The following PRKG1 variants were observed in gnomAD, a reference collection of about 807,000 sequenced individuals.
The protein encoded by PRKG1 is cGMP-dependent protein kinase 1.
A neutral mutation model predicts 88.1 loss-of-function variants in PRKG1; 35 were observed. The ratio of observed to expected loss-of-function variants is 0.40; its 90% CI spans 0.30 to 0.53. The LOEUF (loss-of-function observed/expected upper bound fraction) is 0.53, where lower values mean the gene tolerates loss of function less well. Among genes scored for constraint, PRKG1 ranks in the 20% least tolerant of loss-of-function variants. The probability of loss-of-function intolerance (pLI) is 0.59; values close to 1 mark genes in which losing one functional copy is unlikely to be tolerated. For missense variants in PRKG1, 540 were observed against 839.8 expected (o/e 0.64, Z 4.41); for synonymous variants, 303 against 292.5 (o/e 1.04, Z -0.37).
chr10:51,208,893 T>C (rs976772727), intron 2 of PRKG1, among the ~76,000 whole-genome samples: 6 of 152,218 alleles, frequency 3.9e-5, no homozygotes, highest in African/African-American at 1.4e-4. Flanking sequence ...GTCTTCATTT[T>C]GACATTAAAT....
chr10:51,625,476 C>T (rs1470654862), intron 3 of PRKG1, among the ~76,000 whole-genome samples: 1 of 151,480 alleles, frequency 6.6e-6, no homozygotes, highest in African/African-American at 2.4e-5. Flanking sequence ...GATTCTGTCT[C>T]AATAAAAAAG....
At chr10:52,155,955 CTTTTTATTCCT>C (rs1442380700) in intron 8 of PRKG1, among the ~76,000 whole-genome samples, 1 of 151,898 alleles carries the variant, frequency 6.6e-6, no homozygotes, top group African/African-American at 2.4e-5. Context: ...TAATTCTTAG[CTTTTTATTCCT>C]TTGTGCATAT....
intron 9 of PRKG1, among the ~76,000 whole-genome samples, chr10:52,206,620 C>G (rs936757210): frequency 6.6e-6 from 1 of 152,080 alleles, no homozygotes; most frequent in Admixed American, 6.5e-5. Context: ...CAAACCCTGG[C>G]ATTTAATCGT....
intron 3 of PRKG1, among the ~76,000 whole-genome samples, chr10:51,749,812 A>G (rs1048235255): frequency 1.3e-5 from 2 of 152,176 alleles, no homozygotes; most frequent in Non-Finnish European, 2.9e-5. Context: ...CAGAGGACAG[A>G]TGCCAATCTC....
intron 9 of PRKG1, among the ~76,000 whole-genome samples, chr10:52,228,962 C>T (rs1250234304): frequency 1.3e-5 from 2 of 152,194 alleles, no homozygotes; most frequent in African/African-American, 2.4e-5. Flanking sequence ...ATTCCACTGA[C>T]ATAGCATATC....
At chr10:52,032,956 G>A (rs1328541593) in intron 5 of PRKG1, among the ~76,000 whole-genome samples, 1 of 152,158 alleles carries the variant, frequency 6.6e-6, no homozygotes, top group Non-Finnish European at 1.5e-5. Context: ...ATGGAAGGAA[G>A]TCTTTATCTA....
intron 5 of PRKG1, among the ~76,000 whole-genome samples, chr10:52,024,321 T>TGTG (rs61709879): frequency 1.1e-4 from 16 of 144,620 alleles, no homozygotes; most frequent in East Asian, 8.1e-4. Context: ...ATTTAACTTT[T>TGTG]TTTTTTATTC....
At chr10:51,637,268 AC>A (rs1839680119) in intron 3 of PRKG1, among the ~76,000 whole-genome samples, 2 of 152,172 alleles carry the variant, frequency 1.3e-5, no homozygotes, top group African/African-American at 4.8e-5. Context: ...CAAAAAAACA[AC>A]AGATTTTGGA....
chr10:51,202,642 A>G (rs1837942274), intron 2 of PRKG1, among the ~76,000 whole-genome samples: 1 of 151,654 alleles, frequency 6.6e-6, no homozygotes, highest in Non-Finnish European at 1.5e-5. Context: ...GAGTTAAAAG[A>G]AATACAAGGG....
intron 2 of PRKG1, among the ~76,000 whole-genome samples, chr10:51,321,863 T>C (rs1277183436): frequency 6.6e-6 from 1 of 152,180 alleles, no homozygotes; most frequent in Non-Finnish European, 1.5e-5. Context: ...AAATATCTCA[T>C]GTGACCCATA....
intron 2 of PRKG1, among the ~76,000 whole-genome samples, chr10:51,208,932 A>C (rs1289230505): frequency 6.6e-6 from 1 of 152,120 alleles, no homozygotes; most frequent in Non-Finnish European, 1.5e-5. Context: ...TGTTCTCATC[A>C]ATTTATTTCT....
intron 3 of PRKG1, among the ~76,000 whole-genome samples, chr10:51,592,646 T>G (rs1359216673): frequency 6.6e-6 from 1 of 152,174 alleles, no homozygotes; most frequent in African/African-American, 2.4e-5. Flanking sequence ...CAGGGCAACT[T>G]CCCTTCTCCT....
In PRKG1 at chr10:50,991,989, C is replaced by G. The variant is rs1842788049; in HGVS notation, c.266+345C>G. 6.6e-6 allele frequency among the ~76,000 whole-genome samples: 1 copy of G among 151,996 alleles called. No individual in the cohort carries two copies. Among genetic ancestry groups the G allele is most frequent in the Non-Finnish European group, 1.5e-5 (1 of 67,982 alleles). On this transcript the variant is annotated intron_variant, in intron 1 of 17. Transcript: ENST00000401604. The surrounding 1 kb of genome is among the most constrained non-coding windows in gnomAD (Gnocchi z 4.5). ...TCGCGCGGCTGTCCTTCGTGCGCCC[C>G]GCTGGGAGCGTCCACGCAGGGACCC...
intron 10 of PRKG1, among the ~76,000 whole-genome samples, chr10:52,264,867 CA>C (rs1841533006): frequency 6.6e-6 from 1 of 151,954 alleles, no homozygotes; most frequent in African/African-American, 2.4e-5. Context: ...ATAAAACCCC[CA>C]CCCCCGAAGA....
At chr10:51,487,089 A>G (rs1366623051) in intron 3 of PRKG1, among the ~76,000 whole-genome samples, 3 of 152,108 alleles carry the variant, frequency 2.0e-5, no homozygotes, top group Non-Finnish European at 4.4e-5. Flanking sequence ...AAAGGGGAAA[A>G]AGCAAAGTGT....
intron 8 of PRKG1, among the ~76,000 whole-genome samples, chr10:52,149,264 T>C (rs1199722760): frequency 6.6e-6 from 1 of 151,842 alleles, no homozygotes; most frequent in Admixed American, 6.6e-5. Flanking sequence ...GAAAGGTTCA[T>C]AAAAAGCTGA....
intron 2 of PRKG1, among the ~76,000 whole-genome samples, chr10:51,217,336 C>T (rs991827842): frequency 1.3e-5 from 2 of 151,940 alleles, no homozygotes; most frequent in Non-Finnish European, 2.9e-5. Flanking sequence ...TTTCTTTAGC[C>T]GTGTCTAAAT....
intron 2 of PRKG1, among the ~76,000 whole-genome samples, chr10:51,155,616 G>T (rs1253358136): frequency 1.3e-5 from 2 of 151,992 alleles, no homozygotes; most frequent in African/African-American, 4.8e-5. Flanking sequence ...AATAGGATGT[G>T]TGTGTCTATA....
At chr10:51,312,254 C>T (rs1358468906) in intron 2 of PRKG1, among the ~76,000 whole-genome samples, 1 of 152,114 alleles carries the variant, frequency 6.6e-6, no homozygotes, top group African/African-American at 2.4e-5. Flanking sequence ...TAGGTATTCC[C>T]TTATCTTTCT....
Sources: allele counts gnomAD v4.1 joint callset (sites outside exome capture counted in the v4.1 genomes callset), GRCh38; gene constraint gnomAD v4.1.1; non-coding constraint Gnocchi (gnomAD v3.1); transcripts MANE v1.5; gene names NCBI Gene and HGNC (gene_info 2026-07-23, HGNC 2026-07-21).